Variants in PIGU observed in about 807,000 individuals in gnomAD.
PIGU encodes the protein GPI-anchor transamidase component PIGU.
PIGU carries 24 observed loss-of-function variants against 49.9 expected under a neutral mutation model. That is an observed-to-expected ratio of 0.48 (90% CI 0.35 to 0.68). The LOEUF is 0.68. Ranked by LOEUF, PIGU falls within the 30% of genes least tolerant of loss-of-function variation. The probability of loss-of-function intolerance (pLI) is 0.01; values close to 1 mark genes in which losing one functional copy is unlikely to be tolerated. For synonymous variants in PIGU, 220 were observed against 205.7 expected (o/e 1.07, Z -0.59); for missense variants, 490 against 532.6 (o/e 0.92, Z 0.79).
chr20:34,566,216 C>T (rs533496075), intron 11 of PIGU, among the ~76,000 whole-genome samples: 1 of 152,366 alleles, frequency 6.6e-6, no homozygotes, highest in South Asian at 2.1e-4. Flanking sequence ...TCTTCTCTAA[C>T]CCTGCATTGT....
intron 6 of PIGU, among the ~76,000 whole-genome samples, chr20:34,617,216 T>C (rs1245772122): frequency 6.6e-6 from 1 of 152,156 alleles, no homozygotes; most frequent in Non-Finnish European, 1.5e-5. Context: ...CCAGTGGAGC[T>C]GAGAAGAGGG....
At chr20:34,575,049 G>A in intron 11 of PIGU, 55 bp downstream of exon 11, 4 of 1,599,578 alleles carry the variant, frequency 2.5e-6, no homozygotes, top group Non-Finnish European at 3.4e-6. Flanking sequence ...TTGAATGCTT[G>A]AGGCTGCAAA....
In PIGU at chr20:34,645,993, T is replaced by C. The variant is rs146154993; in HGVS notation, c.196-659A>G. On this transcript the variant is annotated intron_variant, in intron 2 of 11. Transcript: ENST00000217446. Reference sequence around the variant, plus strand: ...AGACATATATAATAGCCGAGGGGAATTCCACAACAGACCAAGATTGCTGAT... The same window carrying C: ...AGACATATATAATAGCCGAGGGGAACTCCACAACAGACCAAGATTGCTGAT... 8.3e-3 allele frequency among the ~76,000 whole-genome samples: 1,257 copies of C among 152,236 alleles called. 25 individuals carry two copies. Among genetic ancestry groups the C allele is most frequent in the African/African-American group, 0.029 (1,216 of 41,562 alleles).
At chr20:34,649,985 AC>A (rs1434407310) in intron 2 of PIGU, among the ~76,000 whole-genome samples, 1 of 151,138 alleles carries the variant, frequency 6.6e-6, no homozygotes, top group Non-Finnish European at 1.5e-5. Flanking sequence ...AGTAGCAGGG[AC>A]TACAGGCGCC....
chr20:34,606,396 G>A (rs189355120), intron 7 of PIGU, among the ~76,000 whole-genome samples: 2 of 151,938 alleles, frequency 1.3e-5, no homozygotes, highest in East Asian at 3.9e-4. Context: ...ATTGCATTCA[G>A]TTATTGTGTC....
intron 2 of PIGU, among the ~76,000 whole-genome samples, chr20:34,654,731 G>T (rs1307301838): frequency 8.3e-6 from 1 of 120,678 alleles, no homozygotes; most frequent in Non-Finnish European, 1.8e-5. Flanking sequence ...GGCCAGCCAG[G>T]AACGGTGACT....
chr20:34,571,767 A>C (rs1230660152), intron 11 of PIGU, among the ~76,000 whole-genome samples: 1 of 152,186 alleles, frequency 6.6e-6, no homozygotes, highest in Non-Finnish European at 1.5e-5. Context: ...GTAAAACTTG[A>C]AATGTCTCAT....
intron 6 of PIGU, among the ~76,000 whole-genome samples, chr20:34,627,523 T>C (rs1031844913): frequency 6.6e-5 from 10 of 152,180 alleles, no homozygotes; most frequent in African/African-American, 2.4e-4. Flanking sequence ...TACATGTTTT[T>C]CTTCCCCAAA....
intron 6 of PIGU, among the ~76,000 whole-genome samples, chr20:34,617,129 G>A (rs2146742385): frequency 6.6e-6 from 1 of 152,338 alleles, no homozygotes; most frequent in African/African-American, 2.4e-5. Context: ...AGCCCTCATG[G>A]AGAACCTCTG....
intron 6 of PIGU, among the ~76,000 whole-genome samples, chr20:34,624,883 A>G (rs1285994986): frequency 3.3e-5 from 5 of 152,108 alleles, no homozygotes; most frequent in African/African-American, 1.2e-4. Flanking sequence ...GGGCTGCCAC[A>G]AAGGAAGCCA....
chr20:34,603,164 A>G (rs1984493900), intron 7 of PIGU, among the ~76,000 whole-genome samples: 1 of 152,008 alleles, frequency 6.6e-6, no homozygotes, highest in Admixed American at 6.6e-5. Flanking sequence ...TTGCAGCTAT[A>G]TCCAGAGGCT....
At chr20:34,619,489 G>C (rs1440480534) in intron 6 of PIGU, among the ~76,000 whole-genome samples, 1 of 152,142 alleles carries the variant, frequency 6.6e-6, no homozygotes, top group Non-Finnish European at 1.5e-5. Context: ...ACTTAACCTG[G>C]TTCTCTACGG....
chr20:34,581,868 G>A (rs1983488277), intron 9 of PIGU, among the ~76,000 whole-genome samples, 196 bp from the exon 10 acceptor site: 2 of 152,246 alleles, frequency 1.3e-5, no homozygotes, highest in African/African-American at 4.8e-5. Flanking sequence ...ATACCCAGAG[G>A]TGGTGAGGAG....
intron 4 of PIGU, among the ~76,000 whole-genome samples, chr20:34,641,262 G>T (rs192997800): frequency 6.6e-6 from 1 of 152,262 alleles, no homozygotes; most frequent in East Asian, 1.9e-4. Flanking sequence ...ACGTTCATTT[G>T]CATCCCCAAA....
intron 11 of PIGU, among the ~76,000 whole-genome samples, chr20:34,570,710 T>A (rs1982974168): frequency 6.6e-6 from 1 of 152,220 alleles, no homozygotes; most frequent in Admixed American, 6.5e-5. Context: ...TAAGCCACTA[T>A]TAATTTTAAT....
At chr20:34,625,753 A>G (rs975901759) in intron 6 of PIGU, among the ~76,000 whole-genome samples, 4 of 150,516 alleles carry the variant, frequency 2.7e-5, no homozygotes, top group African/African-American at 7.3e-5. Flanking sequence ...AAAAAGAAAG[A>G]AAAAAACCCA....
At chr20:34,646,677 G>A (rs537997116) in intron 2 of PIGU, among the ~76,000 whole-genome samples, 1 of 152,198 alleles carries the variant, frequency 6.6e-6, no homozygotes, top group South Asian at 2.1e-4. Context: ...CCGAACTGCT[G>A]GCATTACAGG....
chr20:34,599,229 G>C (rs1984316910), intron 7 of PIGU, among the ~76,000 whole-genome samples: 1 of 152,148 alleles, frequency 6.6e-6, no homozygotes, highest in African/African-American at 2.4e-5. Flanking sequence ...AAGGTGAGTA[G>C]ATCACTTGAA....
At chr20:34,626,066 A>G (rs1985478098) in intron 6 of PIGU, among the ~76,000 whole-genome samples, 1 of 151,610 alleles carries the variant, frequency 6.6e-6, no homozygotes, top group South Asian at 2.1e-4. Context: ...ATATTCTACT[A>G]CATGGGTAAA....
Sources: gnomAD v4.1 joint callset for allele counts (sites outside exome capture counted in the v4.1 genomes callset) on GRCh38, gnomAD v4.1.1 for gene constraint, MANE v1.5 for transcripts, NCBI Gene and HGNC (gene_info 2026-07-23, HGNC 2026-07-21) for gene names.